KCNIP1: variants seen among roughly 807,000 people sequenced by gnomAD.
KCNIP1 encodes potassium voltage-gated channel interacting protein 1.
A neutral mutation model predicts 33.0 loss-of-function variants in KCNIP1; 18 were observed. The observed-to-expected ratio is 0.55, with a 90% CI of 0.38 to 0.81. KCNIP1 has a LOEUF of 0.81. Among genes scored for constraint, KCNIP1 ranks in the 30% least tolerant of loss-of-function variants. The pLI, the probability that KCNIP1 is intolerant of heterozygous loss-of-function variation, is 0.00. For missense variants in KCNIP1, 238 were observed against 271.6 expected (o/e 0.88, Z 0.87); for synonymous variants, 93 against 98.3 (o/e 0.95, Z 0.32).
intron 1 of KCNIP1, among the ~76,000 whole-genome samples, chr5:170,534,878 C>T (rs1755918854): frequency 6.6e-6 from 1 of 151,878 alleles, no homozygotes; most frequent in Non-Finnish European, 1.5e-5. Context: ...GACTGCCTGG[C>T]CTAGAGTTGA....
chr5:170,655,916 A>G (rs755147190), intron 1 of KCNIP1, among the ~76,000 whole-genome samples: 24 of 152,208 alleles, frequency 1.6e-4, no homozygotes, highest in Admixed American at 9.8e-4. Context: ...ATCTATGCAT[A>G]GGAGAAAGCT....
At chr5:170,408,937 C>G (rs1755108412) in intron 1 of KCNIP1, among the ~76,000 whole-genome samples, 1 of 152,140 alleles carries the variant, frequency 6.6e-6, no homozygotes, top group South Asian at 2.1e-4. Flanking sequence ...CACCTGGTCT[C>G]TAAAGGTGCC....
chr5:170,585,150 AAAAAAAAG>A (rs1757940947), intron 1 of KCNIP1, among the ~76,000 whole-genome samples: 1 of 146,192 alleles, frequency 6.8e-6, no homozygotes, highest in Non-Finnish European at 1.5e-5. Flanking sequence ...AACCAAAAAG[AAAAAAAAG>A]AAAAAAAAAT....
At chr5:170,554,719 C>T (rs946488433) in intron 1 of KCNIP1, among the ~76,000 whole-genome samples, 1 of 152,188 alleles carries the variant, frequency 6.6e-6, no homozygotes, top group Admixed American at 6.5e-5. Context: ...TTTTATGCTC[C>T]ATGTAATCCG....
chr5:170,656,875 G>T (rs559262568), intron 1 of KCNIP1, among the ~76,000 whole-genome samples: 83 of 152,278 alleles, frequency 5.5e-4, no homozygotes, highest in African/African-American at 1.9e-3. Context: ...CTCCCGCTGT[G>T]GCCCTCACCC....
intron 1 of KCNIP1, among the ~76,000 whole-genome samples, chr5:170,629,159 C>T (rs1378071366): frequency 6.6e-6 from 1 of 152,208 alleles, no homozygotes; most frequent in African/African-American, 2.4e-5. Context: ...GCCCAGCTGC[C>T]TAAGCTCACC....
intron 1 of KCNIP1, among the ~76,000 whole-genome samples, chr5:170,388,871 A>G (rs1764593183): frequency 1.3e-5 from 2 of 152,220 alleles, no homozygotes; most frequent in Non-Finnish European, 1.5e-5. Flanking sequence ...CCCCCAGTAA[A>G]TATTAGCTAT....
At chr5:170,511,685 C>G (rs1344041234) in intron 1 of KCNIP1, among the ~76,000 whole-genome samples, 1 of 152,196 alleles carries the variant, frequency 6.6e-6, no homozygotes, top group Non-Finnish European at 1.5e-5. Flanking sequence ...TAACCCCAAC[C>G]CTGGAGGACA....
At position 170,525,467 on chromosome 5, in the gene KCNIP1, A is replaced by G. The variant is rs563688621; in HGVS notation, c.61+20834A>G. On this transcript the variant is annotated intron_variant, in intron 1 of 7. Coordinates refer to ENST00000328939, the MANE Select transcript of KCNIP1 (RefSeq NM_014592.4). ...TTAAAAATGGCAAGAACCAAGCACT[A>G]TCATGCAGGTAGGGCACCCATCTTT... Among the ~76,000 whole-genome samples, 25 of 152,364 alleles carry G rather than the reference A, an allele frequency of 1.6e-4. No individual in the cohort carries two copies. The South Asian group carries it at 5.0e-3, about 30-fold the overall frequency.
Position 170,668,449 on chromosome 5 carries a change from G to A in KCNIP1, c.62-50309G>A, listed in dbSNP as rs547390418. On this transcript the variant is annotated intron_variant, in intron 1 of 7. Coordinates refer to ENST00000328939, the MANE Select transcript of KCNIP1 (RefSeq NM_014592.4). ...GGTGGCTTGCCTGGTCTGGGCCACA[G>A]CCTCCTCCCCTGTTGATGAGCATGT... Among the ~76,000 whole-genome samples the A allele has an allele frequency of 2.0e-5, 3 of 152,336 alleles. No individual in the cohort carries two copies. The East Asian group carries it at 5.8e-4, about 29-fold the overall frequency.
chr5:170,625,925 G>A (rs1238250042), intron 1 of KCNIP1, among the ~76,000 whole-genome samples: 1 of 152,178 alleles, frequency 6.6e-6, no homozygotes, highest in Non-Finnish European at 1.5e-5. Flanking sequence ...TGACCTGGGG[G>A]ATGGGCATTG....
chr5:170,405,890 A>G (rs1023019706), intron 1 of KCNIP1, among the ~76,000 whole-genome samples: 2 of 152,094 alleles, frequency 1.3e-5, no homozygotes, highest in African/African-American at 4.8e-5. Context: ...TCATGTTTCC[A>G]TGTGATTCTC....
At chr5:170,377,210 T>G (rs1247739854) in intron 1 of KCNIP1, 2 of 152,274 alleles carry the variant, frequency 1.3e-5, no homozygotes, top group Non-Finnish European at 2.9e-5. Flanking sequence ...GGTAGTTCTC[T>G]GGCTCGAGGT....
intron 1 of KCNIP1, chr5:170,378,849 G>A (rs776118332): frequency 1.2e-6 from 2 of 1,614,142 alleles, no homozygotes; most frequent in Non-Finnish European, 1.7e-6. Context: ...TAGGACGCTG[G>A]TTTCGTTCCC....
At chr5:170,594,702 G>T (rs1758382359) in intron 1 of KCNIP1, among the ~76,000 whole-genome samples, 1 of 152,108 alleles carries the variant, frequency 6.6e-6, no homozygotes, top group Non-Finnish European at 1.5e-5. Flanking sequence ...GTAGAGATGG[G>T]TTTTCACCAT....
intron 1 of KCNIP1, among the ~76,000 whole-genome samples, chr5:170,636,322 G>T (rs370310016): frequency 9.9e-5 from 15 of 152,116 alleles, no homozygotes; most frequent in East Asian, 7.7e-4. Context: ...GAGCCCTGAG[G>T]GGGGCAGAAA....
chr5:170,366,136 A>C (rs1763653336), intron 1 of KCNIP1, among the ~76,000 whole-genome samples: 1 of 152,184 alleles, frequency 6.6e-6, no homozygotes, highest in South Asian at 2.1e-4. Context: ...TTCTAGGGAG[A>C]TGAGACAGGA....
chr5:170,467,234 G>A (rs913168231), intron 1 of KCNIP1, among the ~76,000 whole-genome samples: 3 of 152,156 alleles, frequency 2.0e-5, no homozygotes, highest in Non-Finnish European at 4.4e-5. Flanking sequence ...ACAGTGCAGA[G>A]GTCGACGTTT....
At chr5:170,633,217 C>T (rs994205989) in intron 1 of KCNIP1, among the ~76,000 whole-genome samples, 1 of 151,900 alleles carries the variant, frequency 6.6e-6, no homozygotes, top group Non-Finnish European at 1.5e-5. Context: ...GTAAGACAGG[C>T]GGAGCGGGAC....
Sources: allele counts gnomAD v4.1 joint callset (sites outside exome capture counted in the v4.1 genomes callset), GRCh38; gene constraint gnomAD v4.1.1; transcripts MANE v1.5; gene names NCBI Gene and HGNC (gene_info 2026-07-23, HGNC 2026-07-21).